Variants in FGGY observed in about 807,000 individuals in gnomAD.
FGGY encodes the protein FGGY carbohydrate kinase domain containing.
Under a neutral mutation model 71.3 loss-of-function variants are expected in FGGY, and 72 were observed. That is an observed-to-expected ratio of 1.01 (90% confidence interval 0.84 to 1.23). The LOEUF (loss-of-function observed/expected upper bound fraction) is 1.23, where lower values mean the gene tolerates loss of function less well. FGGY is among the 50% of genes most tolerant of loss of function. The pLI, the probability that FGGY is intolerant of heterozygous loss-of-function variation, is 0.00. For synonymous variants in FGGY, 251 were observed against 250.3 expected (o/e 1.00, Z -0.02); for missense variants, 668 against 682.3 (o/e 0.98, Z 0.23).
chr1:59,699,488 G>A, intron 14 of FGGY: 1 of 796,890 alleles, frequency 1.3e-6, no homozygotes, highest in Non-Finnish European at 1.5e-6. Flanking sequence ...CAACCCCTCT[G>A]CTCTTTTGCC....
rs559652192 is a variant in FGGY at position 59,376,910 on chromosome 1, T to C, written c.466-1839T>C. On this transcript the variant is annotated intron_variant, in intron 4 of 15. Transcript: ENST00000303721. ...TTGAAATTCTACCTCTTCAGGTGTT[T>C]GACAGAAAATGGCCACTTCATGCTT... Among the ~76,000 whole-genome samples the C allele has an allele frequency of 7.5e-4, 115 of 152,328 alleles. 2 individuals are homozygous for C. Among genetic ancestry groups the C allele is most frequent in the African/African-American group, 2.5e-3 (104 of 41,572 alleles).
At chr1:59,615,716 A>T (rs1435580640) in intron 9 of FGGY, among the ~76,000 whole-genome samples, 1 of 152,250 alleles carries the variant, frequency 6.6e-6, no homozygotes, top group African/African-American at 2.4e-5. Flanking sequence ...GGCAGCCTAC[A>T]GAATGGGAGA....
At chr1:59,463,126 C>G (rs2092369722) in intron 6 of FGGY, among the ~76,000 whole-genome samples, 1 of 150,770 alleles carries the variant, frequency 6.6e-6, no homozygotes, top group South Asian at 2.1e-4. Flanking sequence ...TACTATGCAG[C>G]CTATACACCA....
intron 5 of FGGY, among the ~76,000 whole-genome samples, chr1:59,388,528 A>G (rs914482612): frequency 6.6e-6 from 1 of 152,052 alleles, no homozygotes; most frequent in African/African-American, 2.4e-5. Context: ...AAGAAGGGAG[A>G]AACTTGCACC....
chr1:59,617,513 A>G (rs1391736885), intron 9 of FGGY, among the ~76,000 whole-genome samples: 1 of 152,090 alleles, frequency 6.6e-6, no homozygotes, highest in Non-Finnish European at 1.5e-5. Flanking sequence ...TCCCTTCCTA[A>G]GGATGATTGA....
chr1:59,568,715 G>A (rs559376353), intron 8 of FGGY, among the ~76,000 whole-genome samples: 1 of 152,160 alleles, frequency 6.6e-6, no homozygotes, highest in African/African-American at 2.4e-5. Context: ...ACTCCTCTGG[G>A]CCTTCACAGC....
At chr1:59,685,868 G>T (rs925417359) in intron 14 of FGGY, among the ~76,000 whole-genome samples, 1 of 152,110 alleles carries the variant, frequency 6.6e-6, no homozygotes, top group African/African-American at 2.4e-5. Context: ...TCCCCTAGGG[G>T]GTTACTTTGA....
intron 4 of FGGY, among the ~76,000 whole-genome samples, chr1:59,364,229 G>A (rs1286746657): frequency 6.6e-6 from 1 of 152,130 alleles, no homozygotes; most frequent in Admixed American, 6.5e-5. Flanking sequence ...CAATTCAGTG[G>A]TGCTGCACTG....
At position 59,762,535 on chromosome 1, in the gene FGGY, A is replaced by T; in HGVS notation, c.1607A>T (p.Lys536Met). 6.2e-7 allele frequency: 1 copy of T among 1,613,868 alleles called. No individual in the cohort carries two copies. The highest frequency in any genetic ancestry group is 1.1e-5 in the South Asian group (1 of 91,016). Residue 536 changes from lysine to methionine, a missense_variant, in exon 16 of 16, where the codon AAG becomes ATG. Around this residue, in one of 2 missense-constraint regions of FGGY, gnomAD observed 661 missense variants for 661.6 expected, o/e 1.00. Transcript: ENST00000303721. Reference sequence around the variant, plus strand: ...GATAAGAAATACCAAGTATTCCTGAAGCTGGTTGAACACCAGAAGGAGTAT... The same window carrying T: ...GATAAGAAATACCAAGTATTCCTGATGCTGGTTGAACACCAGAAGGAGTAT... ...YYDKKYQVFL[K>M]LVEHQKEYLA...
intron 6 of FGGY, among the ~76,000 whole-genome samples, chr1:59,463,113 GAAT>G (rs1416917838): frequency 2.0e-5 from 3 of 150,764 alleles, no homozygotes; most frequent in African/African-American, 4.9e-5. Flanking sequence ...ATACACCATG[GAAT>G]ACTATGCAGC....
intron 14 of FGGY, among the ~76,000 whole-genome samples, chr1:59,704,479 GACATATATAT>G (rs942961691): frequency 3.4e-4 from 51 of 152,054 alleles, no homozygotes; most frequent in African/African-American, 1.2e-3. Flanking sequence ...TGTATTCACA[GACATATATAT>G]ACACATATAT....
chr1:59,457,016 G>A lies in FGGY; in HGVS notation c.610G>A (p.Asp204Asn), dbSNP rs773367383. Residue 204 changes from aspartate (D) to asparagine (N), a missense_variant, in exon 6 of 16, where the codon GAC becomes AAC. By Grantham distance (23) the Asp-to-Asn change is conservative (BLOSUM62 1). This residue lies in a region of FGGY where 661 missense variants were observed against 661.6 expected (regional missense o/e 1.00). Transcript: ENST00000303721. ...ATATTCAGCAGAGAAAGGCTGGGACGACAGTTTCTGGAAAATGATTGGTTT... is the reference window on the plus strand; with the variant it reads ...ATATTCAGCAGAGAAAGGCTGGGACAACAGTTTCTGGAAAATGATTGGTTT... Reference protein sequence around the residue: ...WTYSAEKGWDDSFWKMIGLED... With the variant: ...WTYSAEKGWDNSFWKMIGLED... The A allele has an allele frequency of 1.1e-5, 17 of 1,613,982 alleles. No individual in the cohort carries two copies. Among genetic ancestry groups the A allele is most frequent in the South Asian group, 3.3e-5 (3 of 91,074 alleles).
chr1:59,680,312 G>A lies in FGGY; in HGVS notation c.1512+6179G>A, dbSNP rs2097483557. Among the ~76,000 whole-genome samples, 3 of 151,962 alleles carry A rather than the reference G, an allele frequency of 2.0e-5. No individual in the cohort carries two copies. The South Asian group carries it at 6.2e-4, about 32-fold the overall frequency. On this transcript the variant is annotated intron_variant, in intron 14 of 15. Coordinates refer to ENST00000303721, the MANE Select transcript of FGGY (RefSeq NM_018291.5). The stretch of plus-strand genomic sequence containing the variant: ...ATTTTCTGAGTATCCTGTCCCATAT[G>A]TCAGTGTCCCTCAGAAAGTCAACAG...
chr1:59,538,418 T>C (rs1048743249), intron 7 of FGGY, among the ~76,000 whole-genome samples: 4 of 152,056 alleles, frequency 2.6e-5, no homozygotes, highest in African/African-American at 4.8e-5. Context: ...AGTTGAACCA[T>C]TGTGGAAGTC....
chr1:59,684,771 G>A (rs961139440), intron 14 of FGGY, among the ~76,000 whole-genome samples: 5 of 152,084 alleles, frequency 3.3e-5, no homozygotes, highest in South Asian at 2.1e-4. Context: ...CCATCTCCTC[G>A]GCTTGCTAGC....
At chr1:59,695,781 A>T (rs897515562) in intron 14 of FGGY, among the ~76,000 whole-genome samples, 2 of 152,212 alleles carry the variant, frequency 1.3e-5, no homozygotes, top group African/African-American at 4.8e-5. Context: ...ACTAGTCAGA[A>T]ATACGGAAGA....
intron 5 of FGGY, among the ~76,000 whole-genome samples, chr1:59,389,027 A>C (rs1281335743): frequency 6.6e-6 from 1 of 152,058 alleles, no homozygotes; most frequent in Non-Finnish European, 1.5e-5. Context: ...GGCTCACTGC[A>C]ACCTCTGCCT....
At chr1:59,357,007 G>T (rs1013766909) in intron 4 of FGGY, among the ~76,000 whole-genome samples, 1 of 152,090 alleles carries the variant, frequency 6.6e-6, no homozygotes, top group Non-Finnish European at 1.5e-5. Context: ...TTTATACCAG[G>T]GCCCTGTATA....
At chr1:59,302,462 T>C (rs1569910452) in intron 1 of FGGY, among the ~76,000 whole-genome samples, 1 of 152,160 alleles carries the variant, frequency 6.6e-6, no homozygotes, top group African/African-American at 2.4e-5. Flanking sequence ...ATATGCACCA[T>C]GGAATACTAT....
Sources: allele counts gnomAD v4.1 joint callset (sites outside exome capture counted in the v4.1 genomes callset), GRCh38; gene constraint gnomAD v4.1.1; regional missense constraint gnomAD v4.1.1; transcripts MANE v1.5; gene names NCBI Gene and HGNC (gene_info 2026-07-23, HGNC 2026-07-21).